Variants in SPMIP7 observed in about 807,000 individuals in gnomAD.
SPMIP7 encodes sperm microtubule inner protein 7.
chr7:50,125,163 CATAT>C, the SPMIP7 span, among the ~76,000 whole-genome samples: 6 of 38,920 alleles, frequency 1.5e-4, no homozygotes, highest in African/African-American at 5.4e-4. Flanking sequence ...TATATATACA[CATAT>C]ATACACATAT....
chr7:50,106,170 G>A, the SPMIP7 span, among the ~76,000 whole-genome samples: 1 of 152,132 alleles, frequency 6.6e-6, no homozygotes, highest in African/African-American at 2.4e-5. Flanking sequence ...TTTCTAATAA[G>A]GTAGAGAGAA....
At chr7:50,145,220 G>T in the SPMIP7 span, among the ~76,000 whole-genome samples, 1 of 151,230 alleles carries the variant, frequency 6.6e-6, no homozygotes, top group Non-Finnish European at 1.5e-5. Context: ...CCAAGATCGC[G>T]CCACTGCACT....
chr7:50,118,977 T>G, the SPMIP7 span, among the ~76,000 whole-genome samples: 1 of 152,204 alleles, frequency 6.6e-6, no homozygotes, highest in East Asian at 1.9e-4. Flanking sequence ...GACTAAATAC[T>G]GCAGGCTTTA....
the SPMIP7 span, among the ~76,000 whole-genome samples, chr7:50,122,329 T>G: frequency 6.6e-6 from 1 of 151,194 alleles, no homozygotes; most frequent in Non-Finnish European, 1.5e-5. Context: ...GATTCCCTAT[T>G]TAATAAATGG....
chr7:50,121,062 G>A, the SPMIP7 span, among the ~76,000 whole-genome samples: 2 of 152,044 alleles, frequency 1.3e-5, no homozygotes, highest in South Asian at 2.1e-4. Context: ...ATGCTCATAC[G>A]TAGCCATCCT....
the SPMIP7 span, among the ~76,000 whole-genome samples, chr7:50,140,692 C>A: frequency 9.2e-5 from 14 of 152,296 alleles, no homozygotes; most frequent in South Asian, 2.9e-3. Context: ...CAAAGTAGAT[C>A]CAAGAATATG....
the SPMIP7 span, among the ~76,000 whole-genome samples, chr7:50,135,350 A>G: frequency 2.0e-5 from 3 of 152,212 alleles, no homozygotes; most frequent in African/African-American, 7.2e-5. Flanking sequence ...CAAAATCCAT[A>G]GGATTAAAAA....
the SPMIP7 span, among the ~76,000 whole-genome samples, chr7:50,124,078 C>A: frequency 6.6e-6 from 1 of 151,978 alleles, no homozygotes; most frequent in Non-Finnish European, 1.5e-5. Context: ...TATAAATAGG[C>A]TGTAGTGGCT....
chr7:50,140,265 C>A, the SPMIP7 span: 2 of 744,454 alleles, frequency 2.7e-6, no homozygotes, highest in Non-Finnish European at 4.2e-6. Flanking sequence ...ATGTTGTATT[C>A]ACTTTTTAAG....
At chr7:50,127,839 A>G in the SPMIP7 span, among the ~76,000 whole-genome samples, 1 of 151,950 alleles carries the variant, frequency 6.6e-6, no homozygotes, top group Non-Finnish European at 1.5e-5. Context: ...ATATGGAGGA[A>G]GGAAAACTTT....
At chr7:50,145,652 A>G in the SPMIP7 span, among the ~76,000 whole-genome samples, 148 of 114,204 alleles carry the variant, frequency 1.3e-3, 12 homozygotes, top group South Asian at 0.036. Flanking sequence ...ATATATATAT[A>G]TATATATACA....
the SPMIP7 span, chr7:50,133,993 G>C: frequency 1.1e-6 from 1 of 890,392 alleles, no homozygotes; most frequent in Admixed American, 2.9e-5. Flanking sequence ...TACACACCAA[G>C]GGGCAGGGAT....
At chr7:50,143,056 G>T in the SPMIP7 span, among the ~76,000 whole-genome samples, 1 of 151,932 alleles carries the variant, frequency 6.6e-6, no homozygotes, top group African/African-American at 2.4e-5. Context: ...TTCTTGAAGA[G>T]AAATGGCTTT....
chr7:50,137,438 T>C, the SPMIP7 span, among the ~76,000 whole-genome samples: 1 of 152,174 alleles, frequency 6.6e-6, no homozygotes, highest in East Asian at 1.9e-4. Flanking sequence ...ATTCTCATAA[T>C]TATTTTCTGA....
the SPMIP7 span, among the ~76,000 whole-genome samples, chr7:50,151,779 AAATT>A: frequency 6.6e-6 from 1 of 152,192 alleles, no homozygotes; most frequent in African/African-American, 2.4e-5. Flanking sequence ...ATCTTACCCA[AAATT>A]ACACTGAAAA....
the SPMIP7 span, chr7:50,141,477 G>C: frequency 1.2e-6 from 1 of 854,332 alleles, no homozygotes; most frequent in Non-Finnish European, 1.9e-6. Flanking sequence ...GAATTTAAAC[G>C]TGGCTTTTAT....
chr7:50,134,589 A>G, the SPMIP7 span, among the ~76,000 whole-genome samples: 1 of 152,188 alleles, frequency 6.6e-6, no homozygotes, highest in African/African-American at 2.4e-5. Flanking sequence ...AGACAGAAAT[A>G]ATTTTACCAG....
chr7:50,141,232 A>C, the SPMIP7 span: 1 of 1,248,352 alleles, frequency 8.0e-7, no homozygotes, highest in Non-Finnish European at 1.1e-6. Flanking sequence ...GGTTTCTTCT[A>C]TGTTTCTTAT....
At chr7:50,129,768 T>C in the SPMIP7 span, 1 of 1,548,852 alleles carries the variant, frequency 6.5e-7, no homozygotes, top group Non-Finnish European at 8.7e-7. Context: ...TGCAAAGGAC[T>C]CATTTTACAA....
Sources: gnomAD v4.1 joint callset for allele counts (sites outside exome capture counted in the v4.1 genomes callset) on GRCh38, gnomAD v4.1.1 for gene constraint, MANE v1.5 for transcripts, NCBI Gene and HGNC (gene_info 2026-07-23, HGNC 2026-07-21) for gene names.